The following TTC34 variants were observed in gnomAD, a reference collection of about 807,000 sequenced individuals.
TTC34 encodes the protein tetratricopeptide repeat domain 34.
A neutral mutation model predicts 40.7 loss-of-function variants in TTC34; 44 were observed. That is an observed-to-expected ratio of 1.08 (90% CI 0.85 to 1.39). TTC34 has a LOEUF of 1.39. Among genes scored for constraint, TTC34 ranks in the 40% most tolerant of loss-of-function variants. TTC34 has a pLI of 0.00. For missense variants in TTC34, 884 were observed against 838.0 expected, an observed-to-expected ratio of 1.05 and a Z score of -0.68; for synonymous variants, 422 against 398.6, an observed-to-expected ratio of 1.06 and a Z score of -0.70.
At chr1:2,784,002 G>A (rs960746324) in intron 5 of TTC34, among the ~76,000 whole-genome samples, 58 of 152,256 alleles carry the variant, frequency 3.8e-4, no homozygotes, top group African/African-American at 1.0e-3. Flanking sequence ...GGGGGCTGCC[G>A]TGAGGAGGGG....
chr1:2,660,609 T>C (rs1189653063), intron 6 of TTC34, among the ~76,000 whole-genome samples: 1 of 31,684 alleles, frequency 3.2e-5, no homozygotes, highest in African/African-American at 9.2e-5. Flanking sequence ...GAGCATCTGA[T>C]GGTCTGGAGC....
At chr1:2,788,540 C>A (rs920977539) in intron 3 of TTC34, among the ~76,000 whole-genome samples, 1 of 152,158 alleles carries the variant, frequency 6.6e-6, no homozygotes, top group South Asian at 2.1e-4. Flanking sequence ...CCCCTTCCTG[C>A]CACCTCCCAG....
At chr1:2,800,668 G>A (rs1357420187) in exon 2 of TTC34, 2 of 398,412 alleles carry the variant, frequency 5.0e-6, no homozygotes, top group African/African-American at 2.1e-5. Context: ...GCCGCCCCCC[G>A]AGCCTGGGCC....
intron 2 of TTC34, among the ~76,000 whole-genome samples, chr1:2,792,503 A>AGTT (rs1301209027): frequency 6.6e-6 from 1 of 152,196 alleles, no homozygotes; most frequent in Non-Finnish European, 1.5e-5. Flanking sequence ...CTCTGGGTTC[A>AGTT]GTTACATTCC....
intron 8 of TTC34, among the ~76,000 whole-genome samples, chr1:2,643,119 G>A (rs1197431767): frequency 6.6e-6 from 1 of 152,194 alleles, no homozygotes; most frequent in Non-Finnish European, 1.5e-5. Flanking sequence ...TCGGACCCCG[G>A]GAGCCCCCAG....
At chr1:2,653,411 C>G (rs796656077) in intron 6 of TTC34, among the ~76,000 whole-genome samples, 38 of 14,662 alleles carry the variant, frequency 2.6e-3, no homozygotes, top group East Asian at 5.7e-3. Flanking sequence ...CCCACACCCC[C>G]AGGTGAGCAT....
chr1:2,797,542 A>G (rs569529247), intron 2 of TTC34, among the ~76,000 whole-genome samples: 2 of 152,308 alleles, frequency 1.3e-5, no homozygotes, highest in East Asian at 3.9e-4. Flanking sequence ...GATGGGCTCA[A>G]AGGACTGTGT....
chr1:2,649,712 G>C (rs1284614159), intron 6 of TTC34, among the ~76,000 whole-genome samples: 1 of 152,144 alleles, frequency 6.6e-6, no homozygotes, highest in African/African-American at 2.4e-5. Flanking sequence ...GTAGAGACGG[G>C]GTTTCACCAT....
At chr1:2,646,941 T>C (rs991274703) in intron 6 of TTC34, among the ~76,000 whole-genome samples, 41 of 152,228 alleles carry the variant, frequency 2.7e-4, no homozygotes, top group Non-Finnish European at 8.8e-5. Flanking sequence ...TGGATAATTC[T>C]GGCTTGGTAC....
chr1:2,671,941 G>T (rs1639715047), intron 6 of TTC34, among the ~76,000 whole-genome samples: 2 of 151,826 alleles, frequency 1.3e-5, no homozygotes, highest in East Asian at 3.9e-4. Context: ...GCATGAAACA[G>T]CACCCAGAAC....
intron 6 of TTC34, among the ~76,000 whole-genome samples, chr1:2,754,864 GCTGAGCCT>G (rs1641453608): frequency 1.1e-5 from 1 of 88,706 alleles, no homozygotes; most frequent in South Asian, 4.5e-4. Context: ...CACATGCCCA[GCTGAGCCT>G]GTGACAGCCT....
At chr1:2,795,984 G>A (rs1643707036) in intron 2 of TTC34, among the ~76,000 whole-genome samples, 1 of 152,212 alleles carries the variant, frequency 6.6e-6, no homozygotes, top group African/African-American at 2.4e-5. Context: ...GTATTGACAG[G>A]TCAGATCTTT....
intron 6 of TTC34, among the ~76,000 whole-genome samples, chr1:2,753,371 C>CT (rs1641391925): frequency 3.4e-5 from 4 of 119,136 alleles, no homozygotes; most frequent in Non-Finnish European, 3.4e-5. Context: ...GAACAGCACC[C>CT]ACACCCCCAG....
exon 9 of TTC34, chr1:2,637,712 C>G (rs1638819834): frequency 6.6e-6 from 1 of 152,092 alleles, no homozygotes; most frequent in African/African-American, 2.4e-5. Flanking sequence ...AGGAAGGAAC[C>G]ACACGTTCAG....
At chr1:2,641,657 C>T in exon 9 of TTC34, 1 of 1,535,386 alleles carries the variant, frequency 6.5e-7, no homozygotes, top group South Asian at 1.2e-5. Context: ...CAGCAGGCGA[C>T]CCTGACGGCA....
chr1:2,789,773 A>G, exon 3 of TTC34: 1 of 571,420 alleles, frequency 1.8e-6, no homozygotes. Flanking sequence ...CAGCGCGCGC[A>G]CACAGCCCCC....
intron 6 of TTC34, among the ~76,000 whole-genome samples, chr1:2,764,281 AG>A (rs1641727760): frequency 6.8e-6 from 1 of 147,724 alleles, no homozygotes; most frequent in Non-Finnish European, 1.5e-5. Flanking sequence ...AGCATCTGAC[AG>A]CCTGGAGCAG....
chr1:2,646,085 G>A (rs1254316820), intron 6 of TTC34, among the ~76,000 whole-genome samples: 1 of 152,190 alleles, frequency 6.6e-6, no homozygotes, highest in African/African-American at 2.4e-5. Flanking sequence ...CAGAAGCAGT[G>A]GAAGGAGGGT....
chr1:2,698,559 C>A (rs1232215159), intron 6 of TTC34, among the ~76,000 whole-genome samples: 7 of 107,996 alleles, frequency 6.5e-5, no homozygotes, highest in African/African-American at 2.6e-4. Flanking sequence ...CCTGGAGCAG[C>A]ACCCACACCC....
Sources: gnomAD v4.1 joint callset for allele counts (sites outside exome capture counted in the v4.1 genomes callset) on GRCh38, gnomAD v4.1.1 for gene constraint, MANE v1.5 for transcripts, NCBI Gene and HGNC (gene_info 2026-07-23, HGNC 2026-07-21) for gene names.